Variants in IL1RL2 observed in about 807,000 individuals in gnomAD.
IL1RL2 encodes interleukin-1 receptor-like 2.
In IL1RL2, 68 loss-of-function variants were observed where a neutral mutation model predicts 66.8. That is an observed-to-expected ratio of 1.02 (90% confidence interval 0.84 to 1.25). The LOEUF is 1.25. IL1RL2 is among the 50% of genes most tolerant of loss of function. IL1RL2 has a pLI of 0.00. For synonymous variants in IL1RL2, 305 were observed against 264.6 expected (o/e 1.15, Z -1.48); for missense variants, 729 against 709.3 (o/e 1.03, Z -0.32).
chr2:102,187,138 C>T (rs538993530), intron 1 of IL1RL2, 52 bp downstream of exon 1: 2 of 1,280,362 alleles, frequency 1.6e-6, no homozygotes, highest in South Asian at 1.2e-5. Context: ...GGGGCCCTGA[C>T]AGTAGGAGAG....
intron 6 of IL1RL2, among the ~76,000 whole-genome samples, chr2:102,217,064 T>A (rs564181262): frequency 6.6e-6 from 1 of 152,284 alleles, no homozygotes; most frequent in South Asian, 2.1e-4. Context: ...TACTGGTTAG[T>A]TTTCACATGT....
chr2:102,237,499 G>T (rs1008861523), intron 11 of IL1RL2, among the ~76,000 whole-genome samples: 1 of 152,208 alleles, frequency 6.6e-6, no homozygotes, highest in Non-Finnish European at 1.5e-5. Flanking sequence ...AGAAGAGAAC[G>T]GCAGCGAGTG....
At chr2:102,235,765 G>A in intron 11 of IL1RL2, 1 of 985,386 alleles carries the variant, frequency 1.0e-6, no homozygotes, top group Non-Finnish European at 1.2e-6. Flanking sequence ...CCCATGCTCA[G>A]GGGTCATTTG....
At chr2:102,240,442 G>A (rs182031852), downstream of IL1RL2, among the ~76,000 whole-genome samples, 7 of 132,082 alleles carry the variant, frequency 5.3e-5, no homozygotes, top group Admixed American at 1.8e-4. Flanking sequence ...ATGAGCCACC[G>A]AGCCCGGTCA....
chr2:102,217,121 C>T (rs1362425435), intron 6 of IL1RL2, among the ~76,000 whole-genome samples: 2 of 152,130 alleles, frequency 1.3e-5, no homozygotes, highest in African/African-American at 2.4e-5. Flanking sequence ...TGCAGCATTT[C>T]CTTAGGGATT....
intron 8 of IL1RL2, among the ~76,000 whole-genome samples, chr2:102,221,841 T>A (rs750676421): frequency 3.9e-5 from 6 of 152,232 alleles, no homozygotes; most frequent in Non-Finnish European, 8.8e-5. Context: ...TCTTTTATAC[T>A]TTTTTATTGT....
rs927648083 is a variant in IL1RL2, at chr2:102,189,282, G to A, written c.265G>A (p.Asp89Asn). 2.5e-6 allele frequency: 4 copies of A among 1,611,944 alleles called. No individual in the cohort carries two copies. In the African/African-American group the frequency reaches 4.0e-5, roughly 16 times the overall value. The change falls in exon 3 of 12, where the codon GAC becomes AAC. Residue 89 changes from aspartate (D) to asparagine (N), a missense_variant. Transcript: ENST00000264257. The part of the protein sequence containing the change: ...WILFLPMEWG[D>N]SGVYQCVIKG... ...TTTGTTTCTCCCCATGGAATGGGGG[G>A]ACTCAGGAGTCTACCAATGTGTTAT...
rs1675131536 is a variant in IL1RL2 at position 102,239,301 on chromosome 2, T to C, written c.*60T>C. The C allele has an allele frequency of 6.8e-7, 1 of 1,466,368 alleles. No individual in the cohort carries two copies. The highest frequency in any genetic ancestry group is 1.4e-5 in the African/African-American group (1 of 71,982). The allele number at this position is 1,466,368 out of a possible 1,614,324, so 90.8% of individuals were successfully genotyped here. On this transcript the variant is annotated 3_prime_UTR_variant, in exon 12 of 12. Coordinates refer to ENST00000264257, the MANE Select transcript of IL1RL2 (RefSeq NM_003854.4). ...ACTTGTTTTGCTCCATGTCTCCTCA[T>C]TCCTACACCTATTTTCTGCTGCAGG...
At chr2:102,229,487 C>T (rs34536178) in intron 9 of IL1RL2, among the ~76,000 whole-genome samples, 5 of 152,276 alleles carry the variant, frequency 3.3e-5, no homozygotes, top group African/African-American at 9.6e-5. Flanking sequence ...TTGGAGAGAT[C>T]GCACAGTCTT....
At chr2:102,208,341 T>C (rs1688873453) in intron 5 of IL1RL2, among the ~76,000 whole-genome samples, 1 of 152,214 alleles carries the variant, frequency 6.6e-6, no homozygotes, top group Non-Finnish European at 1.5e-5. Flanking sequence ...TTTTACAGAG[T>C]TCCAGGAGGG....
At chr2:102,235,873 C>T in intron 11 of IL1RL2, 2 of 985,442 alleles carry the variant, frequency 2.0e-6, no homozygotes, top group South Asian at 4.7e-5. Context: ...GTCACCTAGA[C>T]CAGTGGGGAC....
intron 10 of IL1RL2, 74 bp from the exon 11 acceptor site, chr2:102,234,823 A>G: frequency 7.2e-7 from 1 of 1,384,848 alleles, no homozygotes; most frequent in Non-Finnish European, 1.0e-6. Context: ...GCCTGTTTCA[A>G]ACATTCTCAC....
intron 8 of IL1RL2, among the ~76,000 whole-genome samples, chr2:102,222,058 C>T (rs749378256): frequency 1.1e-4 from 16 of 152,084 alleles, no homozygotes; most frequent in South Asian, 2.1e-4. Flanking sequence ...TTAGGAAAGT[C>T]GTTTCTTTGA....
downstream of IL1RL2, among the ~76,000 whole-genome samples, chr2:102,240,526 G>C (rs190470355): frequency 6.6e-6 from 1 of 151,772 alleles, no homozygotes; most frequent in Non-Finnish European, 1.5e-5. Context: ...ATGCACACAC[G>C]GAATGGAAAA....
At chr2:102,192,818 G>C (rs1365398727) in intron 4 of IL1RL2, among the ~76,000 whole-genome samples, 1 of 152,176 alleles carries the variant, frequency 6.6e-6, no homozygotes, top group Admixed American at 6.5e-5. Flanking sequence ...TTCTTTATGG[G>C]AAGATTTTCA....
chr2:102,226,327 C>T lies in IL1RL2; in HGVS notation c.1135+286C>T, dbSNP rs149503523. 2.0e-5 allele frequency among the ~76,000 whole-genome samples: 3 copies of T among 152,262 alleles called. No homozygotes were observed. In the East Asian group the frequency reaches 5.8e-4, roughly 29 times the overall value. ...TGCAACCATGTTACAAAAGTTTCCA[C>T]GTCCATCCTCCGTCCACTGCGGGAA... On this transcript the variant is annotated intron_variant, in intron 9 of 11. Transcript: ENST00000264257.
chr2:102,202,015 A>G (rs1688301006), intron 5 of IL1RL2, among the ~76,000 whole-genome samples: 1 of 152,220 alleles, frequency 6.6e-6, no homozygotes, highest in Non-Finnish European at 1.5e-5. Context: ...ATGAAACACA[A>G]GTATCTAGAC....
At chr2:102,202,564 G>A (rs1205839071) in intron 5 of IL1RL2, among the ~76,000 whole-genome samples, 1 of 151,672 alleles carries the variant, frequency 6.6e-6, no homozygotes, top group Admixed American at 6.6e-5. Flanking sequence ...CACTTCTTTG[G>A]TTAATTCCTA....
chr2:102,187,177 T>C, intron 1 of IL1RL2, 91 bp downstream of exon 1: 1 of 1,244,026 alleles, frequency 8.0e-7, no homozygotes, highest in African/African-American at 1.5e-5. Flanking sequence ...GGCAACAATG[T>C]GTGCCACCGC....
Sources: allele counts gnomAD v4.1 joint callset (sites outside exome capture counted in the v4.1 genomes callset), GRCh38; gene constraint gnomAD v4.1.1; transcripts MANE v1.5; gene names NCBI Gene and HGNC (gene_info 2026-07-23, HGNC 2026-07-21).